The following EFCAB13 variants were observed in gnomAD, a reference collection of about 807,000 sequenced individuals.
The protein encoded by EFCAB13 is EF-hand calcium-binding domain-containing protein 13.
A neutral mutation model predicts 110.2 loss-of-function variants in EFCAB13; 91 were observed. That is an observed-to-expected ratio of 0.83 (90% CI 0.70 to 0.98). EFCAB13 has a LOEUF of 0.98. Among genes scored for constraint, EFCAB13 ranks in the 50% least tolerant of loss-of-function variants. The pLI is 0.00. For missense variants in EFCAB13, 968 were observed against 1,119.4 expected (o/e 0.86, Z 1.93); for synonymous variants, 323 against 369.9 (o/e 0.87, Z 1.45).
intron 14 of EFCAB13, among the ~76,000 whole-genome samples, chr17:47,382,147 G>C (rs965319812): frequency 6.6e-6 from 1 of 151,942 alleles, no homozygotes; most frequent in East Asian, 1.9e-4. Context: ...TCATGATTTG[G>C]CTCTCTGCCT....
chr17:47,422,327 T>A (rs904289358), intron 23 of EFCAB13, among the ~76,000 whole-genome samples: 2 of 152,198 alleles, frequency 1.3e-5, no homozygotes, highest in African/African-American at 2.4e-5. Context: ...AGATTAGGAA[T>A]GAGACAAGAA....
At chr17:47,380,179 C>T (rs900704612) in intron 14 of EFCAB13, among the ~76,000 whole-genome samples, 2 of 152,142 alleles carry the variant, frequency 1.3e-5, no homozygotes, top group African/African-American at 4.8e-5. Flanking sequence ...TTGCTGCACC[C>T]TTCAACCCAT....
chr17:47,397,222 C>G lies in EFCAB13; in HGVS notation c.1945+1245C>G, dbSNP rs563782665. Among the ~76,000 whole-genome samples, 411 of 152,274 alleles carry G rather than the reference C, an allele frequency of 2.7e-3. 2 individuals are homozygous for G. The highest frequency in any genetic ancestry group is 5.2e-3 in the Admixed American group (79 of 15,296). The stretch of plus-strand genomic sequence containing the variant: ...GGAGACGGGGTTTCGCTGTGTTGGC[C>G]GGGCTGGTCTCCAGCTCCTAGCCGC... On this transcript the variant is annotated intron_variant, in intron 17 of 24. Coordinates refer to ENST00000331493, the MANE Select transcript of EFCAB13 (RefSeq NM_152347.5).
chr17:47,357,132 TG>T (rs538380237), intron 9 of EFCAB13, among the ~76,000 whole-genome samples: 74 of 152,292 alleles, frequency 4.9e-4, no homozygotes, highest in Non-Finnish European at 8.5e-4. Context: ...TGAGCAGGGA[TG>T]AGAGCTTGTC....
At chr17:47,369,118 T>C (rs1043106663) in intron 10 of EFCAB13, among the ~76,000 whole-genome samples, 8 of 152,212 alleles carry the variant, frequency 5.3e-5, no homozygotes, top group Admixed American at 3.9e-4. Flanking sequence ...ATGAACCTGA[T>C]ACCAAGTTCT....
In EFCAB13 at chr17:47,388,395, C is replaced by G. The variant is rs572254989; in HGVS notation, c.1583-3042C>G. 3.7e-4 allele frequency among the ~76,000 whole-genome samples: 56 copies of G among 152,238 alleles called. No individual in the cohort carries two copies. In the South Asian group the frequency reaches 0.011, roughly 31 times the overall value. Reference sequence around the variant, plus strand: ...CATCTGCTTGGAGATTTTCACTTCTCTGTGCCCCCAGGAGTCATTTCAGCT... The same window carrying G: ...CATCTGCTTGGAGATTTTCACTTCTGTGTGCCCCCAGGAGTCATTTCAGCT... On this transcript the variant is annotated intron_variant, in intron 14 of 24. Coordinates refer to ENST00000331493, the MANE Select transcript of EFCAB13 (RefSeq NM_152347.5).
chr17:47,385,901 C>T (rs901770907), intron 14 of EFCAB13, among the ~76,000 whole-genome samples: 4 of 152,202 alleles, frequency 2.6e-5, no homozygotes, highest in African/African-American at 9.6e-5. Context: ...TGCAGGTCTG[C>T]TGCAGTTTGC....
At chr17:47,368,069 C>A (rs1351761684) in intron 10 of EFCAB13, among the ~76,000 whole-genome samples, 1 of 152,074 alleles carries the variant, frequency 6.6e-6, no homozygotes, top group Non-Finnish European at 1.5e-5. Context: ...ATGCATTATT[C>A]CATATAATGA....
At chr17:47,420,095 A>G (rs1598761430) in intron 23 of EFCAB13, among the ~76,000 whole-genome samples, 2 of 152,034 alleles carry the variant, frequency 1.3e-5, no homozygotes, top group South Asian at 2.1e-4. Context: ...TTGCAGGCGC[A>G]CGCCGCCACA....
chr17:47,357,694 C>T (rs1167248174), intron 9 of EFCAB13, among the ~76,000 whole-genome samples: 3 of 152,054 alleles, frequency 2.0e-5, no homozygotes, highest in Non-Finnish European at 2.9e-5. Flanking sequence ...GGATTACAGG[C>T]GTGAGCCACT....
rs568853433 is a variant in EFCAB13, at chr17:47,367,115, A to G, written c.806-3322A>G. Among the ~76,000 whole-genome samples, 19 of 152,376 alleles carry G rather than the reference A, an allele frequency of 1.2e-4. 1 individual carries two copies. Among genetic ancestry groups the G allele is most frequent in the African/African-American group, 4.6e-4 (19 of 41,594 alleles). Reference sequence around the variant, plus strand: ...TACTGGGGAGGTTATGGGAAGTGTTAGAACTATAATCAAAACCAGAATGAG... The same window carrying G: ...TACTGGGGAGGTTATGGGAAGTGTTGGAACTATAATCAAAACCAGAATGAG... On this transcript the variant is annotated intron_variant, in intron 10 of 24. Transcript: ENST00000331493.
intron 23 of EFCAB13, among the ~76,000 whole-genome samples, chr17:47,428,383 T>C (rs1400941945): frequency 1.3e-5 from 2 of 152,090 alleles, no homozygotes; most frequent in African/African-American, 2.4e-5. Flanking sequence ...ATGGGAGATA[T>C]AATTTTTGAG....
intron 23 of EFCAB13, among the ~76,000 whole-genome samples, chr17:47,422,507 A>T (rs1904758233): frequency 6.6e-6 from 1 of 152,124 alleles, no homozygotes; most frequent in Non-Finnish European, 1.5e-5. Context: ...ACTGGTTATT[A>T]TATTATTTTA....
chr17:47,419,978 C>T (rs139177451), intron 23 of EFCAB13, among the ~76,000 whole-genome samples: 1 of 152,006 alleles, frequency 6.6e-6, no homozygotes, highest in African/African-American at 2.4e-5. Context: ...TCTCTTTCCA[C>T]GGTCTCCCTC....
intron 6 of EFCAB13, 112 bp downstream of exon 6, chr17:47,342,144 A>C: frequency 1.6e-6 from 1 of 612,568 alleles, no homozygotes. Flanking sequence ...CTTAAATATC[A>C]CTACCTGGTC....
chr17:47,372,883 A>G (rs2065592738), intron 11 of EFCAB13, among the ~76,000 whole-genome samples: 1 of 152,066 alleles, frequency 6.6e-6, no homozygotes, highest in Non-Finnish European at 1.5e-5. Context: ...TTTGATTATA[A>G]TATGTCTTGG....
chr17:47,408,287 G>A (rs1310924295), intron 20 of EFCAB13, among the ~76,000 whole-genome samples: 2 of 152,114 alleles, frequency 1.3e-5, no homozygotes, highest in African/African-American at 2.4e-5. Flanking sequence ...CCTCAGCTTG[G>A]ATGTACTGAG....
At chr17:47,412,948 A>AT (rs746960384) in intron 22 of EFCAB13, 32 bp downstream of exon 22, 18 of 1,589,392 alleles carry the variant, frequency 1.1e-5, no homozygotes, top group South Asian at 4.6e-5. Context: ...GATTCTTTTC[A>AT]TTTTTTTTCT....
intron 14 of EFCAB13, among the ~76,000 whole-genome samples, chr17:47,380,931 G>GGAGTGCAGT (rs2065644320): frequency 7.0e-6 from 1 of 143,256 alleles, no homozygotes; most frequent in Non-Finnish European, 1.5e-5. Context: ...CACCTAGGCT[G>GGAGTGCAGT]GAGTGCAGTG....
Sources: allele counts gnomAD v4.1 joint callset (sites outside exome capture counted in the v4.1 genomes callset), GRCh38; gene constraint gnomAD v4.1.1; transcripts MANE v1.5; gene names NCBI Gene and HGNC (gene_info 2026-07-23, HGNC 2026-07-21).